The following CAMTA1 variants were observed in gnomAD, a reference collection of about 807,000 sequenced individuals.
CAMTA1 encodes calmodulin-binding transcription activator 1.
In CAMTA1, 27 loss-of-function variants were observed where a neutral mutation model predicts 170.9. The ratio of observed to expected loss-of-function variants is 0.16; its 90% CI spans 0.12 to 0.22. The LOEUF (loss-of-function observed/expected upper bound fraction) is 0.22, where lower values mean the gene tolerates loss of function less well. Among genes scored for constraint, CAMTA1 ranks in the 10% least tolerant of loss-of-function variants. The pLI, the probability that CAMTA1 is intolerant of heterozygous loss-of-function variation, is 1.00. For missense variants in CAMTA1, 1,619 were observed against 2,217.2 expected (o/e 0.73, Z 5.42); for synonymous variants, 833 against 891.5 (o/e 0.93, Z 1.17).
chr1:7,402,657 C>G (rs1316782091), intron 5 of CAMTA1, among the ~76,000 whole-genome samples: 3 of 152,132 alleles, frequency 2.0e-5, no homozygotes, highest in Non-Finnish European at 2.9e-5. Context: ...TTGCAGTTGT[C>G]TTGGGAGGGC....
rs1639380575 is a variant in CAMTA1, at chr1:7,076,992, A to G, written c.235-14312A>G. Among the ~76,000 whole-genome samples, 3 of 152,360 alleles carry G rather than the reference A, an allele frequency of 2.0e-5. No homozygotes were observed. The South Asian group carries it at 6.2e-4, about 32-fold the overall frequency. On this transcript the variant is annotated intron_variant, in intron 3 of 22. Transcript: ENST00000303635. Reference sequence around the variant, plus strand: ...GTGGTGACTAATCTGAACTTGTCTTATGAAGGCAGGTTATGAAATTCAAAC... The same window carrying G: ...GTGGTGACTAATCTGAACTTGTCTTGTGAAGGCAGGTTATGAAATTCAAAC...
chr1:7,249,391 T>C lies in CAMTA1; in HGVS notation c.303-100T>C. On this transcript the variant is annotated intron_variant, in intron 4 of 22. Coordinates refer to ENST00000303635, the MANE Select transcript of CAMTA1 (RefSeq NM_015215.4). The surrounding 1 kb of genome is among the most constrained non-coding windows in gnomAD (Gnocchi z 4.4). ...ATTATGTTCCAGCAAATGTGGAATA[T>C]TGCTTTTCTGTAGAGACTTTTACTG... 1 of 1,147,520 alleles carries C rather than the reference T, an allele frequency of 8.7e-7. No homozygotes were observed. Among genetic ancestry groups the C allele is most frequent in the Non-Finnish European group, 1.2e-6 (1 of 811,454 alleles). The allele number at this position is 1,147,520 out of a possible 1,614,324, so 71.1% of individuals were successfully genotyped here.
chr1:7,665,059 G>A lies in CAMTA1; in HGVS notation c.2512G>A (p.Gly838Ser). 6.4e-7 allele frequency: 1 copy of A among 1,573,516 alleles called. No homozygotes were observed. Among genetic ancestry groups the A allele is most frequent in the Non-Finnish European group, 8.6e-7 (1 of 1,159,140 alleles). Residue 838 changes from glycine (G) to serine (S), a missense_variant, in exon 9 of 23, where the codon GGC (glycine) becomes AGC (serine). Gly to Ser is a moderately conservative substitution (Grantham distance 56, BLOSUM62 0). Transcript: ENST00000303635. The surrounding 1 kb of genome is among the most constrained non-coding windows in gnomAD (Gnocchi z 4.3). ...TAGCCTGCAGCTGAGCAGCTCGGAGGGCGGGGCCAGCACCATGGCCTACAT... is the reference window on the plus strand; with the variant it reads ...TAGCCTGCAGCTGAGCAGCTCGGAGAGCGGGGCCAGCACCATGGCCTACAT... The part of the protein sequence containing the change: ...QGSLQLSSSE[G>S]GASTMAYMHV...
chr1:6,938,591 T>G (rs1023631266), intron 3 of CAMTA1, among the ~76,000 whole-genome samples: 1 of 152,224 alleles, frequency 6.6e-6, no homozygotes, highest in African/African-American at 2.4e-5. Context: ...CAGCATGGCC[T>G]GTTCTGCTGT....
At chr1:6,802,251 C>T (rs866556914) in intron 1 of CAMTA1, among the ~76,000 whole-genome samples, 3 of 152,210 alleles carry the variant, frequency 2.0e-5, no homozygotes, top group Non-Finnish European at 4.4e-5. Context: ...TGGCCTTAGT[C>T]ATGGCTCCTG....
At chr1:7,730,928 C>CTATATATA (rs148508017) in intron 11 of CAMTA1, among the ~76,000 whole-genome samples, 3 of 114,196 alleles carry the variant, frequency 2.6e-5, no homozygotes, top group Admixed American at 8.4e-5. Context: ...CTCTCTCTCT[C>CTATATATA]TATATATATA....
chr1:6,823,174 A>T (rs1646714433), intron 2 of CAMTA1, among the ~76,000 whole-genome samples: 1 of 152,134 alleles, frequency 6.6e-6, no homozygotes, highest in African/African-American at 2.4e-5. Context: ...ATGGAAATAA[A>T]AGTACTTTAG....
chr1:6,870,926 T>A (rs1432137248), intron 3 of CAMTA1, among the ~76,000 whole-genome samples: 2 of 152,226 alleles, frequency 1.3e-5, no homozygotes, highest in African/African-American at 4.8e-5. Flanking sequence ...AATTATTTAG[T>A]ATAACCATTA....
intron 6 of CAMTA1, among the ~76,000 whole-genome samples, chr1:7,594,113 AAG>A (rs1434797787): frequency 1.4e-5 from 2 of 146,640 alleles, no homozygotes; most frequent in African/African-American, 5.1e-5. Flanking sequence ...GAAAGAAAGA[AAG>A]AGAGAAAGAA....
At chr1:6,801,972 A>G (rs550579736) in intron 1 of CAMTA1, among the ~76,000 whole-genome samples, 29 of 152,344 alleles carry the variant, frequency 1.9e-4, no homozygotes, top group African/African-American at 6.5e-4. Flanking sequence ...ACTAGGAAAC[A>G]GATGGTTTGG....
At chr1:7,704,221 C>G (rs985745214) in intron 11 of CAMTA1, among the ~76,000 whole-genome samples, 1 of 147,184 alleles carries the variant, frequency 6.8e-6, no homozygotes, top group African/African-American at 2.4e-5. Flanking sequence ...CGCGGGCCCT[C>G]GGCGCGGAGC....
At chr1:6,867,827 ACTGGGTCTTG>A (rs1410547130) in intron 3 of CAMTA1, among the ~76,000 whole-genome samples, 43 of 150,720 alleles carry the variant, frequency 2.9e-4, no homozygotes, top group African/African-American at 1.0e-3. Context: ...TCCCCCAGAG[ACTGGGTCTTG>A]CTCTGTCACC....
intron 3 of CAMTA1, among the ~76,000 whole-genome samples, chr1:6,837,702 T>A (rs1653844579): frequency 6.6e-6 from 1 of 152,204 alleles, no homozygotes; most frequent in Non-Finnish European, 1.5e-5. Flanking sequence ...TTTATTTTAT[T>A]TTTGTACTGT....
chr1:6,864,237 G>A lies in CAMTA1; in HGVS notation c.234+39027G>A, dbSNP rs116822416. Among the ~76,000 whole-genome samples the A allele has an allele frequency of 3.6e-3, 550 of 152,168 alleles. 5 individuals are homozygous for A. The highest frequency in any genetic ancestry group is 0.012 in the African/African-American group (509 of 41,496). On this transcript the variant is annotated intron_variant, in intron 3 of 22. Transcript: ENST00000303635. Reference sequence around the variant, plus strand: ...TTTGAATCCAAAACAATTCCTGCTGGTTCTTTTTCCCAAATAAATTTCCAT... The same window carrying A: ...TTTGAATCCAAAACAATTCCTGCTGATTCTTTTTCCCAAATAAATTTCCAT...
At position 7,057,840 on chromosome 1, in the gene CAMTA1, C is replaced by T. The variant is rs72640040; in HGVS notation, c.235-33464C>T. The stretch of plus-strand genomic sequence containing the variant: ...TGGCCATACAGCCTTCCCTTCTGAG[C>T]TGGGATGGTCCACCAACTTTTGGAG... On this transcript the variant is annotated intron_variant, in intron 3 of 22. Coordinates refer to ENST00000303635, the MANE Select transcript of CAMTA1 (RefSeq NM_015215.4). Among the ~76,000 whole-genome samples, 1,031 of 152,360 alleles carry T rather than the reference C, an allele frequency of 6.8e-3. 8 individuals carry two copies. The highest frequency in any genetic ancestry group is 8.3e-3 in the Non-Finnish European group (566 of 68,032).
At chr1:7,718,480 T>C (rs1314031609) in intron 11 of CAMTA1, among the ~76,000 whole-genome samples, 1 of 152,112 alleles carries the variant, frequency 6.6e-6, no homozygotes, top group African/African-American at 2.4e-5. Flanking sequence ...TTTTCCTTTA[T>C]ATAACCCATT....
chr1:7,605,063 G>A (rs956399765), intron 6 of CAMTA1, among the ~76,000 whole-genome samples: 4 of 152,184 alleles, frequency 2.6e-5, no homozygotes, highest in East Asian at 3.9e-4. Context: ...AGGAGTACCC[G>A]GCCGGCTGTG....
rs1457465170 is a variant in CAMTA1, at chr1:7,664,458, C to T, written c.1911C>T (p.Asp637=). 6.2e-7 allele frequency: 1 copy of T among 1,613,432 alleles called. No homozygotes were observed. The highest frequency in any genetic ancestry group is 2.2e-5 in the East Asian group (1 of 44,876). The stretch of plus-strand genomic sequence containing the variant: ...AGAACACCCACAGCAGCCTGAGTGA[C>T]TCTGGGGGCACCTTCGTGATGCCCA... ...VEQNTHSSLS[D]SGGTFVMPTV... is the part of the protein sequence containing the mutation. The change falls in exon 9 of 23, where the codon GAC becomes GAT. Residue 637 remains aspartate (D), a synonymous_variant. Coordinates refer to ENST00000303635, the MANE Select transcript of CAMTA1 (RefSeq NM_015215.4).
intron 3 of CAMTA1, chr1:6,888,070 C>T (rs1367418724): frequency 2.8e-6 from 3 of 1,056,826 alleles, no homozygotes; most frequent in Middle Eastern, 4.4e-4. Context: ...GTATGTTTTC[C>T]AGTCAGTTAC....
Sources: allele counts gnomAD v4.1 joint callset (sites outside exome capture counted in the v4.1 genomes callset), GRCh38; gene constraint gnomAD v4.1.1; non-coding constraint Gnocchi (gnomAD v3.1); transcripts MANE v1.5; gene names NCBI Gene and HGNC (gene_info 2026-07-23, HGNC 2026-07-21).